Variants in MAPKAP1 observed in about 807,000 individuals in gnomAD.
MAPKAP1 encodes MAPK associated protein 1, also known as target of rapamycin complex 2 subunit MAPKAP1.
Under a neutral mutation model 65.7 loss-of-function variants are expected in MAPKAP1, and 20 were observed. The ratio of observed to expected loss-of-function variants is 0.30; its 90% CI spans 0.21 to 0.44. The LOEUF is 0.44. Ranked by LOEUF, MAPKAP1 falls within the 20% of genes least tolerant of loss-of-function variation. The pLI is 1.00. For missense variants in MAPKAP1, 423 were observed against 648.0 expected, an observed-to-expected ratio of 0.65 and a Z score of 3.77; for synonymous variants, 222 against 244.3, an observed-to-expected ratio of 0.91 and a Z score of 0.85.
At chr9:125,596,788 C>T (rs1284534339) in intron 4 of MAPKAP1, among the ~76,000 whole-genome samples, 1 of 151,934 alleles carries the variant, frequency 6.6e-6, no homozygotes, top group Non-Finnish European at 1.5e-5. Flanking sequence ...TGTGTATGGG[C>T]AAAAAACTCG....
chr9:125,560,159 G>C (rs1446178612), intron 5 of MAPKAP1, among the ~76,000 whole-genome samples: 1 of 152,092 alleles, frequency 6.6e-6, no homozygotes, highest in Non-Finnish European at 1.5e-5. Context: ...AAAGTAATAA[G>C]CATTACACTA....
chr9:125,586,883 T>C (rs1368331316), intron 4 of MAPKAP1, among the ~76,000 whole-genome samples: 1 of 152,242 alleles, frequency 6.6e-6, no homozygotes, highest in African/African-American at 2.4e-5. Context: ...TTTAATAATA[T>C]GTGCTGCCAC....
At chr9:125,612,662 T>C (rs553035607) in intron 4 of MAPKAP1, among the ~76,000 whole-genome samples, 2 of 152,138 alleles carry the variant, frequency 1.3e-5, no homozygotes, top group Admixed American at 6.5e-5. Flanking sequence ...GTTGGGTAAA[T>C]AGAGGCTCTA....
At chr9:125,660,197 T>C (rs1050669554) in intron 3 of MAPKAP1, among the ~76,000 whole-genome samples, 1 of 152,192 alleles carries the variant, frequency 6.6e-6, no homozygotes, top group African/African-American at 2.4e-5. Flanking sequence ...TCCAGTCGTA[T>C]GCTTTTAAAT....
intron 4 of MAPKAP1, among the ~76,000 whole-genome samples, chr9:125,622,507 G>C (rs576669722): frequency 3.3e-5 from 5 of 151,286 alleles, no homozygotes; most frequent in Admixed American, 6.6e-5. Flanking sequence ...GTGCAGTGGC[G>C]TGATCTCGGC....
chr9:125,629,327 C>T (rs1188213314), intron 4 of MAPKAP1, among the ~76,000 whole-genome samples: 5 of 152,110 alleles, frequency 3.3e-5, no homozygotes, highest in Non-Finnish European at 1.5e-5. Context: ...CCATTATTCA[C>T]AATAGCCAAG....
chr9:125,487,169 C>A (rs1270952448), intron 8 of MAPKAP1, among the ~76,000 whole-genome samples: 1 of 152,194 alleles, frequency 6.6e-6, no homozygotes, highest in Non-Finnish European at 1.5e-5. Context: ...CTCCAGGACA[C>A]TGCAGAGCTT....
chr9:125,503,491 T>C (rs939024660), intron 8 of MAPKAP1, among the ~76,000 whole-genome samples: 19 of 152,220 alleles, frequency 1.2e-4, no homozygotes, highest in African/African-American at 4.6e-4. Flanking sequence ...AGGATGACCA[T>C]TTGTTTAATC....
At chr9:125,585,344 T>A (rs896892455) in intron 5 of MAPKAP1, among the ~76,000 whole-genome samples, 1 of 152,194 alleles carries the variant, frequency 6.6e-6, no homozygotes, top group African/African-American at 2.4e-5. Context: ...AAATCCATGT[T>A]CTCATGTCTG....
chr9:125,488,604 C>T (rs1361823247), intron 8 of MAPKAP1, among the ~76,000 whole-genome samples: 1 of 152,202 alleles, frequency 6.6e-6, no homozygotes, highest in Non-Finnish European at 1.5e-5. Context: ...CCTCGGCCTC[C>T]CAAAGTGCTG....
chr9:125,441,725 G>A (rs1450433809), intron 11 of MAPKAP1, among the ~76,000 whole-genome samples: 2 of 152,094 alleles, frequency 1.3e-5, no homozygotes, highest in Non-Finnish European at 1.5e-5. Context: ...CCAAGCTCCC[G>A]GACACAGGGC....
chr9:125,530,690 A>C (rs1463239464), intron 7 of MAPKAP1, among the ~76,000 whole-genome samples: 1 of 152,210 alleles, frequency 6.6e-6, no homozygotes, highest in Non-Finnish European at 1.5e-5. Context: ...CTTCAAAATA[A>C]AGTGTGCTTC....
chr9:125,522,127 G>C (rs972282878), intron 7 of MAPKAP1, among the ~76,000 whole-genome samples: 1 of 152,206 alleles, frequency 6.6e-6, no homozygotes, highest in Non-Finnish European at 1.5e-5. Context: ...TCTAGCCCAG[G>C]GTGGGACAAA....
chr9:125,543,013 A>T (rs769964088), intron 7 of MAPKAP1, 46 bp downstream of exon 7: 1 of 1,272,204 alleles, frequency 7.9e-7, no homozygotes, highest in Non-Finnish European at 1.2e-6. Flanking sequence ...CCTTTTAATA[A>T]GGGTTAAGCT....
intron 10 of MAPKAP1, among the ~76,000 whole-genome samples, chr9:125,459,986 T>G (rs1315795392): frequency 6.6e-6 from 1 of 152,020 alleles, no homozygotes; most frequent in Non-Finnish European, 1.5e-5. Context: ...ATTTATTTAT[T>G]ATGAAAACAC....
At chr9:125,574,706 T>C (rs978074791) in intron 5 of MAPKAP1, among the ~76,000 whole-genome samples, 1 of 152,226 alleles carries the variant, frequency 6.6e-6, no homozygotes, top group African/African-American at 2.4e-5. Context: ...TAAATTACAC[T>C]ACTACTGCTG....
At chr9:125,682,230 T>C (rs568411318) in intron 1 of MAPKAP1, among the ~76,000 whole-genome samples, 19 of 152,290 alleles carry the variant, frequency 1.2e-4, no homozygotes, top group Admixed American at 7.2e-4. Context: ...TGGAAAAACA[T>C]AGACTTTGGT....
intron 4 of MAPKAP1, among the ~76,000 whole-genome samples, chr9:125,620,039 C>T (rs752554740): frequency 2.0e-4 from 30 of 152,166 alleles, no homozygotes; most frequent in South Asian, 6.2e-4. Context: ...CCGGGTGCAA[C>T]GGCTCACGCC....
intron 6 of MAPKAP1, among the ~76,000 whole-genome samples, chr9:125,557,058 G>A (rs1466568532): frequency 6.6e-6 from 1 of 152,178 alleles, no homozygotes; most frequent in East Asian, 1.9e-4. Context: ...GTGTGTGTCT[G>A]GGAGTGGGAA....
Sources: allele counts gnomAD v4.1 joint callset (sites outside exome capture counted in the v4.1 genomes callset), GRCh38; gene constraint gnomAD v4.1.1; transcripts MANE v1.5; gene names NCBI Gene and HGNC (gene_info 2026-07-23, HGNC 2026-07-21).